The following WWOX variants were observed in gnomAD, a reference collection of about 807,000 sequenced individuals.
The protein encoded by WWOX is WW domain-containing oxidoreductase.
A neutral mutation model predicts 46.2 loss-of-function variants in WWOX; 69 were observed. That is an observed-to-expected ratio of 1.49 (90% CI 1.23 to 1.82). The LOEUF is 1.82. Among genes scored for constraint, WWOX ranks in the 40% most tolerant of loss-of-function variants. The pLI is 0.00. For synonymous variants in WWOX, 359 were observed against 202.6 expected, an observed-to-expected ratio of 1.77 and a Z score of -6.56; for missense variants, 919 against 542.6, an observed-to-expected ratio of 1.69 and a Z score of -6.89.
chr16:79,010,200 CT>C (rs2047275702), intron 8 of WWOX, among the ~76,000 whole-genome samples: 1 of 152,190 alleles, frequency 6.6e-6, no homozygotes, highest in African/African-American at 2.4e-5. Flanking sequence ...CCCCAGGAGG[CT>C]TTCACAAATG....
intron 5 of WWOX, among the ~76,000 whole-genome samples, chr16:78,227,886 CAAAAAG>C (rs1215720374): frequency 2.0e-5 from 3 of 150,804 alleles, no homozygotes; most frequent in African/African-American, 7.5e-5. Context: ...AAAAAACAAA[CAAAAAG>C]AAACATACCG....
intron 8 of WWOX, among the ~76,000 whole-genome samples, chr16:78,612,397 C>T (rs1055432919): frequency 6.6e-5 from 10 of 152,212 alleles, no homozygotes; most frequent in African/African-American, 1.4e-4. Flanking sequence ...GGCAGCGTGG[C>T]GTAGGCCTCA....
intron 8 of WWOX, among the ~76,000 whole-genome samples, chr16:78,952,525 G>C (rs1193162742): frequency 6.6e-6 from 1 of 151,940 alleles, no homozygotes; most frequent in Non-Finnish European, 1.5e-5. Context: ...TGGGATTACA[G>C]GCATGTACCA....
intron 8 of WWOX, among the ~76,000 whole-genome samples, chr16:78,752,189 T>G (rs1030577564): frequency 2.6e-5 from 4 of 152,260 alleles, no homozygotes; most frequent in African/African-American, 9.6e-5. Flanking sequence ...ACTGAAAATA[T>G]ACCTTTAAGT....
chr16:78,714,156 G>A (rs1213184463), intron 8 of WWOX, among the ~76,000 whole-genome samples: 2 of 152,154 alleles, frequency 1.3e-5, no homozygotes, highest in Non-Finnish European at 1.5e-5. Context: ...TAGATGTACT[G>A]TCATTTCTTC....
At chr16:78,349,077 A>G (rs924122618) in intron 5 of WWOX, among the ~76,000 whole-genome samples, 1 of 120,346 alleles carries the variant, frequency 8.3e-6, no homozygotes, top group African/African-American at 2.8e-5. Flanking sequence ...TGGAGCCTAG[A>G]ATTCCAAGGT....
At chr16:78,944,779 A>C (rs1299430326) in intron 8 of WWOX, among the ~76,000 whole-genome samples, 1 of 152,194 alleles carries the variant, frequency 6.6e-6, no homozygotes, top group East Asian at 1.9e-4. Flanking sequence ...GTAAGTGAGC[A>C]TGGCCCTGTA....
rs545715888 is a variant in WWOX, at chr16:78,886,884, G to A, written c.1057-324724G>A. 2.0e-4 allele frequency among the ~76,000 whole-genome samples: 31 copies of A among 152,156 alleles called. No homozygotes were observed. The East Asian group carries it at 5.6e-3, about 28-fold the overall frequency. On this transcript the variant is annotated intron_variant, in intron 8 of 8. Transcript: ENST00000566780. ...TATGGGATTGTGATGCACAGATACA[G>A]GGGCAAGGCTACTTTTTCCTCGAAC...
chr16:78,780,922 A>T (rs1249940451), intron 8 of WWOX, among the ~76,000 whole-genome samples: 1 of 152,224 alleles, frequency 6.6e-6, no homozygotes, highest in Non-Finnish European at 1.5e-5. Flanking sequence ...GCATGGGTTC[A>T]GAGAGCAGCA....
intron 8 of WWOX, among the ~76,000 whole-genome samples, chr16:78,993,253 T>G (rs2046923458): frequency 6.6e-6 from 1 of 151,710 alleles, no homozygotes; most frequent in South Asian, 2.1e-4. Context: ...CGCCGAAACT[T>G]TACTATTTGG....
intron 8 of WWOX, among the ~76,000 whole-genome samples, chr16:78,692,411 G>T (rs1374383742): frequency 2.6e-5 from 4 of 152,256 alleles, no homozygotes; most frequent in African/African-American, 9.6e-5. Flanking sequence ...AAGGAGATTT[G>T]TTTCCATCAA....
chr16:78,959,370 G>C (rs2046230338), intron 8 of WWOX, among the ~76,000 whole-genome samples: 1 of 152,256 alleles, frequency 6.6e-6, no homozygotes, highest in Non-Finnish European at 1.5e-5. Flanking sequence ...AAGAGAGATA[G>C]AGATGTCCAT....
At chr16:78,228,596 C>A (rs983467116) in intron 5 of WWOX, among the ~76,000 whole-genome samples, 8 of 152,218 alleles carry the variant, frequency 5.3e-5, no homozygotes, top group African/African-American at 1.9e-4. Context: ...CCCACCTTGG[C>A]CTCCCAAAGT....
intron 5 of WWOX, among the ~76,000 whole-genome samples, chr16:78,308,651 C>T (rs1212113485): frequency 2.0e-5 from 3 of 152,144 alleles, no homozygotes; most frequent in African/African-American, 7.2e-5. Flanking sequence ...CAGGTCTTTT[C>T]CTGATCCAGG....
chr16:78,793,350 C>T (rs545001834), intron 8 of WWOX, among the ~76,000 whole-genome samples: 30 of 152,310 alleles, frequency 2.0e-4, no homozygotes, highest in Admixed American at 3.9e-4. Context: ...CGTGAGTCAC[C>T]ATGCCAGGCC....
At chr16:78,100,183 A>C in intron 1 of WWOX, 4 of 1,231,314 alleles carry the variant, frequency 3.2e-6, no homozygotes, top group Non-Finnish European at 3.1e-6. Flanking sequence ...AAAAATAAAG[A>C]TGTTTTAAAA....
chr16:79,126,625 A>C (rs1298857068), intron 8 of WWOX, among the ~76,000 whole-genome samples: 3 of 152,140 alleles, frequency 2.0e-5, no homozygotes, highest in Non-Finnish European at 2.9e-5. Context: ...TCTTTCCTTT[A>C]TAAACTACCC....
chr16:78,296,221 G>A (rs1223897622), intron 5 of WWOX, among the ~76,000 whole-genome samples: 5 of 151,790 alleles, frequency 3.3e-5, no homozygotes, highest in Admixed American at 2.0e-4. Flanking sequence ...TATCTGTATT[G>A]TTTGGTGCTT....
At chr16:78,440,575 T>C (rs2083421675) in intron 8 of WWOX, among the ~76,000 whole-genome samples, 1 of 152,156 alleles carries the variant, frequency 6.6e-6, no homozygotes, top group Non-Finnish European at 1.5e-5. Flanking sequence ...CTTCATAACA[T>C]TGAACACAAC....
Sources: allele counts gnomAD v4.1 joint callset (sites outside exome capture counted in the v4.1 genomes callset), GRCh38; gene constraint gnomAD v4.1.1; transcripts MANE v1.5; gene names NCBI Gene and HGNC (gene_info 2026-07-23, HGNC 2026-07-21).